SYT16: variants seen among roughly 807,000 people sequenced by gnomAD.
SYT16 encodes the protein synaptotagmin-16.
SYT16 carries 42 observed loss-of-function variants against 61.4 expected under a neutral mutation model. The observed-to-expected ratio is 0.68, with a 90% confidence interval of 0.53 to 0.89. SYT16 has a LOEUF of 0.89. Ranked by LOEUF, SYT16 falls within the 40% of genes least tolerant of loss-of-function variation. The pLI is 0.00. For synonymous variants in SYT16, 314 were observed against 302.3 expected, an observed-to-expected ratio of 1.04 and a Z score of -0.40; for missense variants, 804 against 807.3, an observed-to-expected ratio of 1.00 and a Z score of 0.05.
chr14:62,049,229 A>G (rs1002174777), intron 3 of SYT16, among the ~76,000 whole-genome samples: 1 of 152,154 alleles, frequency 6.6e-6, no homozygotes, highest in African/African-American at 2.4e-5. Flanking sequence ...ACCATTATGT[A>G]ATGGCCTTCT....
intron 3 of SYT16, among the ~76,000 whole-genome samples, chr14:62,022,037 CT>C (rs2053929243): frequency 6.8e-6 from 1 of 147,238 alleles, no homozygotes; most frequent in Admixed American, 6.7e-5. Flanking sequence ...CAAATCTCTT[CT>C]TTTTCTTTTT....
chr14:62,045,727 T>A (rs2054949366), intron 3 of SYT16, among the ~76,000 whole-genome samples: 1 of 152,122 alleles, frequency 6.6e-6, no homozygotes, highest in Non-Finnish European at 1.5e-5. Context: ...CTTGCAATAG[T>A]TTGCTGAGAA....
intron 1 of SYT16, among the ~76,000 whole-genome samples, chr14:61,874,384 G>A (rs1158810828): frequency 6.6e-6 from 1 of 152,178 alleles, no homozygotes; most frequent in Non-Finnish European, 1.5e-5. Flanking sequence ...TTTTGTATGA[G>A]TGGGTTCCAC....
intron 3 of SYT16, among the ~76,000 whole-genome samples, chr14:62,050,158 G>T (rs932853441): frequency 6.6e-6 from 1 of 152,138 alleles, no homozygotes; most frequent in Non-Finnish European, 1.5e-5. Flanking sequence ...TTTCTTGGAG[G>T]CTTTGTTCGT....
At chr14:61,838,930 A>G (rs2046218258) in intron 1 of SYT16, among the ~76,000 whole-genome samples, 1 of 152,188 alleles carries the variant, frequency 6.6e-6, no homozygotes, top group East Asian at 1.9e-4. Context: ...GGCCATCCCT[A>G]GCAAGTGAAA....
chr14:62,098,837 A>T (rs1595411519), intron 7 of SYT16, among the ~76,000 whole-genome samples: 1 of 152,186 alleles, frequency 6.6e-6, no homozygotes, highest in East Asian at 1.9e-4. Flanking sequence ...TAAGAGGGTT[A>T]TCTGAACTGG....
intron 2 of SYT16, among the ~76,000 whole-genome samples, chr14:61,986,370 A>G (rs1296406645): frequency 6.6e-6 from 1 of 151,478 alleles, no homozygotes; most frequent in Non-Finnish European, 1.5e-5. Flanking sequence ...AGAATACTGG[A>G]TATTTTGTCT....
chr14:61,836,402 G>A (rs372896811), intron 1 of SYT16, among the ~76,000 whole-genome samples: 6 of 152,110 alleles, frequency 3.9e-5, no homozygotes, highest in African/African-American at 9.7e-5. Context: ...CACTTGAAAG[G>A]CATTTGAATA....
At chr14:61,982,281 G>A (rs921064055) in intron 2 of SYT16, among the ~76,000 whole-genome samples, 1 of 152,016 alleles carries the variant, frequency 6.6e-6, no homozygotes, top group African/African-American at 2.4e-5. Flanking sequence ...GTATTAGTCC[G>A]TTTTCACACT....
intron 1 of SYT16, among the ~76,000 whole-genome samples, chr14:61,925,691 T>G (rs2049508436): frequency 6.6e-6 from 1 of 152,214 alleles, no homozygotes; most frequent in Non-Finnish European, 1.5e-5. Flanking sequence ...CGTTTTGGCC[T>G]TATTTTCTTC....
chr14:62,107,880 CCCTTTGCAAGACA>C lies in SYT16; in HGVS notation c.*7174_*7186del, dbSNP rs1253536870. 3 of 152,162 alleles carry C rather than the reference CCCTTTGCAAGACA, an allele frequency of 2.0e-5. No homozygotes were observed. Among genetic ancestry groups the C allele is most frequent in the African/African-American group, 7.2e-5 (3 of 41,440 alleles). 9.4% of individuals were successfully genotyped at this position (152,162 alleles called of 1,614,324 possible). ...GACTTTTATAATTAAATACTGAATG[CCCTTTGCAAGACA>C]GTAAGTTAGATCCTGGAATGCTAGG... On this transcript the variant is annotated 3_prime_UTR_variant, in exon 8 of 8. Transcript: ENST00000683842.
intron 1 of SYT16, among the ~76,000 whole-genome samples, chr14:61,866,593 C>A (rs2047162482): frequency 6.6e-6 from 1 of 151,964 alleles, no homozygotes; most frequent in Non-Finnish European, 1.5e-5. Flanking sequence ...GTGTTCAAAT[C>A]TTTTGTTCAT....
At chr14:61,813,021 G>A (rs2045316846) in intron 1 of SYT16, among the ~76,000 whole-genome samples, 1 of 152,238 alleles carries the variant, frequency 6.6e-6, no homozygotes, top group South Asian at 2.1e-4. Context: ...AAGGGCGTGC[G>A]CCTGGCGCCG....
intron 1 of SYT16, among the ~76,000 whole-genome samples, chr14:61,890,307 G>T (rs1177356454): frequency 6.6e-6 from 1 of 152,110 alleles, no homozygotes; most frequent in African/African-American, 2.4e-5. Flanking sequence ...TATGGGGCAG[G>T]CCCCTGGGAA....
intron 1 of SYT16, among the ~76,000 whole-genome samples, chr14:61,947,263 CCTT>C (rs1178550678): frequency 1.1e-5 from 1 of 88,204 alleles, no homozygotes; most frequent in African/African-American, 4.4e-5. Context: ...TGACTTTAGT[CCTT>C]CGTGTGTGTG....
intron 3 of SYT16, among the ~76,000 whole-genome samples, chr14:62,013,785 G>A (rs2140719802): frequency 6.6e-6 from 1 of 152,204 alleles, no homozygotes. Context: ...CCAATATGGT[G>A]AAACCATGTC....
intron 3 of SYT16, among the ~76,000 whole-genome samples, chr14:62,039,871 A>ACACACACG (rs748272055): frequency 6.9e-6 from 1 of 144,050 alleles, no homozygotes; most frequent in South Asian, 2.3e-4. Context: ...ACACACACAC[A>ACACACACG]CACACACGCA....
chr14:61,896,980 A>G (rs757953956), intron 1 of SYT16, among the ~76,000 whole-genome samples: 13 of 152,248 alleles, frequency 8.5e-5, no homozygotes, highest in South Asian at 2.1e-4. Context: ...TCAACAAACT[A>G]TGGCCTCTGG....
At chr14:61,954,970 CT>C (rs139512276) in intron 1 of SYT16, among the ~76,000 whole-genome samples, 36 of 151,680 alleles carry the variant, frequency 2.4e-4, no homozygotes, top group Non-Finnish European at 3.1e-4. Context: ...GAATTTAAAA[CT>C]TTTTTTGAGA....
Sources: allele counts gnomAD v4.1 joint callset (sites outside exome capture counted in the v4.1 genomes callset), GRCh38; gene constraint gnomAD v4.1.1; transcripts MANE v1.5; gene names NCBI Gene and HGNC (gene_info 2026-07-23, HGNC 2026-07-21).